The following SORCS1 variants were observed in gnomAD, a reference collection of about 807,000 sequenced individuals.
SORCS1 encodes the protein VPS10 domain-containing receptor SorCS1.
SORCS1 carries 60 observed loss-of-function variants against 146.1 expected under a neutral mutation model. That is an observed-to-expected ratio of 0.41 (90% confidence interval 0.33 to 0.51). The LOEUF is 0.51. SORCS1 is among the 20% of genes least tolerant of loss of function. The pLI is 0.21. For synonymous variants in SORCS1, 637 were observed against 584.0 expected (o/e 1.09, Z -1.31); for missense variants, 1,352 against 1,487.6 (o/e 0.91, Z 1.50).
chr10:106,582,781 A>G (rs1214769173), intron 24 of SORCS1, among the ~76,000 whole-genome samples: 6 of 152,198 alleles, frequency 3.9e-5, no homozygotes, highest in African/African-American at 1.4e-4. Flanking sequence ...GTACTTGCAC[A>G]TATCATTTCT....
intron 1 of SORCS1, among the ~76,000 whole-genome samples, chr10:107,143,871 T>A (rs1968062298): frequency 6.6e-6 from 1 of 152,058 alleles, no homozygotes; most frequent in Non-Finnish European, 1.5e-5. Flanking sequence ...TCTCAAGCAA[T>A]CCACTCACCT....
chr10:106,599,835 G>A (rs111985506), intron 23 of SORCS1, among the ~76,000 whole-genome samples: 5,432 of 151,442 alleles, frequency 0.036, 116 homozygotes, highest in African/African-American at 0.06. Context: ...GCAATGGCGC[G>A]ATCTCGGCTC....
intron 24 of SORCS1, among the ~76,000 whole-genome samples, chr10:106,596,032 G>C (rs1237696054): frequency 2.0e-5 from 3 of 152,134 alleles, no homozygotes; most frequent in Non-Finnish European, 2.9e-5. Flanking sequence ...CACTGGCAGA[G>C]ATGCTATTAC....
intron 2 of SORCS1, among the ~76,000 whole-genome samples, chr10:106,886,001 C>T (rs1950986695): frequency 6.6e-6 from 1 of 152,180 alleles, no homozygotes; most frequent in Non-Finnish European, 1.5e-5. Flanking sequence ...GTGGCTCACT[C>T]CTGTAATCCC....
Position 106,577,052 on chromosome 10 carries a change from G to C in SORCS1, c.*368C>G, listed in dbSNP as rs1844609893. The C allele has an allele frequency of 2.3e-6, 1 of 436,272 alleles. No individual in the cohort carries two copies. Among genetic ancestry groups the C allele is most frequent in the Non-Finnish European group, 3.9e-6 (1 of 253,642 alleles). The allele number at this position is 436,272 out of a possible 1,614,324, so 27.0% of individuals were successfully genotyped here. On this transcript the variant is annotated 3_prime_UTR_variant, in exon 26 of 26. Transcript: ENST00000263054. ...CACTGCCCCTCCAGACATGTTCTCA[G>C]AGTATTGTCCACATGCACAGGCTTA... is the stretch of plus-strand genomic sequence containing the variant.
At chr10:106,826,329 A>T (rs1402418422) in intron 3 of SORCS1, among the ~76,000 whole-genome samples, 1 of 152,246 alleles carries the variant, frequency 6.6e-6, no homozygotes, top group African/African-American at 2.4e-5. Context: ...GACTTGCTAG[A>T]TAGCACCGCG....
chr10:107,063,458 C>T (rs1484407070), intron 1 of SORCS1, among the ~76,000 whole-genome samples: 1 of 152,162 alleles, frequency 6.6e-6, no homozygotes, highest in Non-Finnish European at 1.5e-5. Context: ...AAGCTGGTAG[C>T]TTTTCCCATT....
chr10:106,783,722 C>T (rs1296383630), intron 3 of SORCS1, among the ~76,000 whole-genome samples: 1 of 152,004 alleles, frequency 6.6e-6, no homozygotes, highest in African/African-American at 2.4e-5. Context: ...TGGTTCATAC[C>T]CCAGATTTTT....
chr10:107,057,370 A>G (rs1365666781), intron 1 of SORCS1, among the ~76,000 whole-genome samples: 1 of 152,230 alleles, frequency 6.6e-6, no homozygotes. Flanking sequence ...AAAGGAATTG[A>G]TTAAGATAAA....
At chr10:107,089,385 T>C (rs562386551) in intron 1 of SORCS1, among the ~76,000 whole-genome samples, 2 of 152,334 alleles carry the variant, frequency 1.3e-5, no homozygotes, top group East Asian at 1.9e-4. Context: ...GTAGTGTACA[T>C]AGCCTATCTT....
chr10:107,176,401 T>A, the SORCS1 span, among the ~76,000 whole-genome samples: 1 of 151,738 alleles, frequency 6.6e-6, no homozygotes, highest in Non-Finnish European at 1.5e-5. Flanking sequence ...AGTGGTGTGA[T>A]CACTTCTTGC....
At chr10:107,162,605 G>A (rs925708040) in intron 1 of SORCS1, among the ~76,000 whole-genome samples, 8 of 152,164 alleles carry the variant, frequency 5.3e-5, no homozygotes, top group Admixed American at 3.9e-4. Context: ...CTACTCTCAG[G>A]ACAGATACAT....
intron 1 of SORCS1, among the ~76,000 whole-genome samples, chr10:107,053,739 C>T (rs1960346389): frequency 6.6e-6 from 1 of 152,108 alleles, no homozygotes. Flanking sequence ...TACAAATAAG[C>T]AGATGCCCTG....
At position 106,762,553 on chromosome 10, in the gene SORCS1, C is replaced by T. The variant is rs1439290181; in HGVS notation, c.886-892G>A. On this transcript the variant is annotated intron_variant, in intron 4 of 25. Coordinates refer to ENST00000263054, the MANE Select transcript of SORCS1 (RefSeq NM_052918.5). Reference sequence around the variant, plus strand: ...GACTACAGGTGCCTGCCACCAAGCCCGGCTAATTTTTTTTTTTGTATTTTT... The same window carrying T: ...GACTACAGGTGCCTGCCACCAAGCCTGGCTAATTTTTTTTTTTGTATTTTT... 4.6e-5 allele frequency among the ~76,000 whole-genome samples: 7 copies of T among 151,210 alleles called. No individual in the cohort carries two copies. In the South Asian group the frequency reaches 6.3e-4, roughly 14 times the overall value.
intron 18 of SORCS1, among the ~76,000 whole-genome samples, chr10:106,648,600 TTTC>T (rs1446990323): frequency 1.3e-5 from 2 of 152,238 alleles, no homozygotes; most frequent in African/African-American, 4.8e-5. Context: ...TCTGGGTCAT[TTTC>T]TTTATGTGTG....
At chr10:106,666,832 C>A (rs1236030613) in intron 17 of SORCS1, among the ~76,000 whole-genome samples, 1 of 151,734 alleles carries the variant, frequency 6.6e-6, no homozygotes, top group Non-Finnish European at 1.5e-5. Flanking sequence ...TCCCAAAGTG[C>A]AGTGCTGGGA....
intron 9 of SORCS1, among the ~76,000 whole-genome samples, chr10:106,692,872 T>G (rs1202358465): frequency 6.6e-6 from 1 of 152,064 alleles, no homozygotes; most frequent in Non-Finnish European, 1.5e-5. Context: ...TAATCTCAAG[T>G]ATACTAATAT....
chr10:106,964,683 T>C (rs1955416794), intron 1 of SORCS1, among the ~76,000 whole-genome samples: 1 of 152,058 alleles, frequency 6.6e-6, no homozygotes, highest in Admixed American at 6.6e-5. Flanking sequence ...AGACGGTGTT[T>C]CACTGTGTTA....
intron 1 of SORCS1, among the ~76,000 whole-genome samples, chr10:107,041,407 A>G (rs1959146767): frequency 6.8e-6 from 1 of 147,128 alleles, no homozygotes; most frequent in Admixed American, 6.8e-5. Context: ...AGGGGATTAA[A>G]AAAAAAAAAA....
Sources: gnomAD v4.1 joint callset for allele counts (sites outside exome capture counted in the v4.1 genomes callset) on GRCh38, gnomAD v4.1.1 for gene constraint, MANE v1.5 for transcripts, NCBI Gene and HGNC (gene_info 2026-07-23, HGNC 2026-07-21) for gene names.